The following MCTP2 variants were observed in gnomAD, a reference collection of about 807,000 sequenced individuals.
MCTP2 encodes multiple C2 and transmembrane domain-containing protein 2.
Under a neutral mutation model 111.6 loss-of-function variants are expected in MCTP2, and 132 were observed. That is an observed-to-expected ratio of 1.18 (90% CI 1.03 to 1.37). The LOEUF (loss-of-function observed/expected upper bound fraction) is 1.37. Ranked by LOEUF, MCTP2 falls within the 40% of genes most tolerant of loss-of-function variation. The pLI is 0.00. For synonymous variants in MCTP2, 395 were observed against 387.7 expected, an observed-to-expected ratio of 1.02 and a Z score of -0.22; for missense variants, 1,183 against 1,067.9, an observed-to-expected ratio of 1.11 and a Z score of -1.50.
chr15:94,260,450 TTC>T (rs1227395221), intron 1 of MCTP2, among the ~76,000 whole-genome samples: 2 of 152,204 alleles, frequency 1.3e-5, no homozygotes, highest in Non-Finnish European at 2.9e-5. Context: ...CCCTCTCGTC[TTC>T]TCTCATGGGC....
chr15:94,244,146 GTATATGTTTA>G lies in MCTP2; in HGVS notation c.-66+12487_-66+12496del, dbSNP rs1567257025. ...TACACATGTATACACATGCATATGT[GTATATGTTTA>G]TATACACGTGTATACACATACGTAT... On this transcript the variant is annotated intron_variant, in intron 1 of 22. Coordinates refer to ENST00000357742, the MANE Select transcript of MCTP2 (RefSeq NM_001385001.1). Among the ~76,000 whole-genome samples, 1,192 of 144,668 alleles carry G rather than the reference GTATATGTTTA, an allele frequency of 8.2e-3. 26 individuals carry two copies. The highest frequency in any genetic ancestry group is 0.028 in the African/African-American group (1,096 of 38,798). The allele number at this position is 144,668 out of a possible 152,430, so 94.9% of individuals were successfully genotyped here.
intron 19 of MCTP2, among the ~76,000 whole-genome samples, chr15:94,452,398 T>TAGGAAG (rs2152521413): frequency 6.6e-6 from 1 of 152,320 alleles, no homozygotes; most frequent in South Asian, 2.1e-4. Context: ...CTGGAATCCT[T>TAGGAAG]AGGAAGAGGA....
At chr15:94,255,092 A>G (rs2072681170) in intron 1 of MCTP2, among the ~76,000 whole-genome samples, 2 of 152,282 alleles carry the variant, frequency 1.3e-5, no homozygotes, top group East Asian at 1.9e-4. Context: ...TCCTTTTCCT[A>G]AAGACAAACT....
At chr15:94,234,893 C>G (rs976897252) in intron 1 of MCTP2, among the ~76,000 whole-genome samples, 2 of 152,100 alleles carry the variant, frequency 1.3e-5, no homozygotes, top group African/African-American at 4.8e-5. Context: ...ATGGCTTGAG[C>G]TGAGTTTGGA....
chr15:94,265,435 T>C (rs949409101), intron 1 of MCTP2, among the ~76,000 whole-genome samples: 2 of 152,322 alleles, frequency 1.3e-5, no homozygotes, highest in East Asian at 1.9e-4. Flanking sequence ...TTTTGGTTCA[T>C]GGCACTCTAT....
At chr15:94,453,843 A>T (rs764445772) in intron 19 of MCTP2, among the ~76,000 whole-genome samples, 12 of 152,226 alleles carry the variant, frequency 7.9e-5, no homozygotes, top group Non-Finnish European at 1.3e-4. Context: ...AGAAGCCTCA[A>T]CAGCTACTTT....
At chr15:94,254,646 A>G (rs577788200) in intron 1 of MCTP2, among the ~76,000 whole-genome samples, 1 of 152,322 alleles carries the variant, frequency 6.6e-6, no homozygotes, top group South Asian at 2.1e-4. Context: ...TGTGGATGAA[A>G]TTGAGCTCAG....
chr15:94,395,257 T>C (rs2081221485), intron 14 of MCTP2, among the ~76,000 whole-genome samples: 1 of 152,228 alleles, frequency 6.6e-6, no homozygotes, highest in Non-Finnish European at 1.5e-5. Flanking sequence ...ATTTTCCCTT[T>C]TATGCAGAGT....
chr15:94,291,235 A>G (rs963210400), intron 1 of MCTP2, among the ~76,000 whole-genome samples: 1 of 152,254 alleles, frequency 6.6e-6, no homozygotes, highest in Admixed American at 6.5e-5. Context: ...AAAAATCTTC[A>G]GATACTTAGA....
chr15:94,240,255 C>A (rs915264461), intron 1 of MCTP2, among the ~76,000 whole-genome samples: 1 of 152,148 alleles, frequency 6.6e-6, no homozygotes, highest in Non-Finnish European at 1.5e-5. Flanking sequence ...TAGGAATCAT[C>A]TCCATTTTAT....
At chr15:94,243,223 G>A (rs1014450857) in intron 1 of MCTP2, among the ~76,000 whole-genome samples, 8 of 148,424 alleles carry the variant, frequency 5.4e-5, no homozygotes, top group Non-Finnish European at 1.1e-4. Context: ...ATATACATAC[G>A]TATGCGTACA....
At chr15:94,240,153 T>G (rs1223028652) in intron 1 of MCTP2, among the ~76,000 whole-genome samples, 4 of 152,182 alleles carry the variant, frequency 2.6e-5, no homozygotes, top group Non-Finnish European at 5.9e-5. Context: ...CTGTATATTT[T>G]ATTTTGTGTA....
chr15:94,341,244 A>G, intron 7 of MCTP2: 1 of 308,210 alleles, frequency 3.2e-6, no homozygotes, highest in South Asian at 3.5e-5. Flanking sequence ...TTGGGAAGAT[A>G]CAAATTTTAA....
chr15:94,406,340 T>C (rs2081894723), intron 17 of MCTP2, among the ~76,000 whole-genome samples: 1 of 152,208 alleles, frequency 6.6e-6, no homozygotes, highest in South Asian at 2.1e-4. Flanking sequence ...ACCCAGGCCA[T>C]CTTGCTTTAG....
chr15:94,358,547 G>A lies in MCTP2; in HGVS notation c.1236G>A (p.Arg412=). ...TTGACTTTCACTACTTCTCTGACAG[G>A]ATGGGCATTTTGGACATTGAAGTGT... ...EQFDFHYFSD[R]MGILDIEVWG... The change falls in exon 10 of 23, where the codon AGG becomes AGA. Residue 412 remains arginine (R), a synonymous_variant. Coordinates refer to ENST00000357742, the MANE Select transcript of MCTP2 (RefSeq NM_001385001.1). The A allele has an allele frequency of 2.5e-6, 4 of 1,613,848 alleles. No homozygotes were observed. Among genetic ancestry groups the A allele is most frequent in the African/African-American group, 2.7e-5 (2 of 75,026 alleles).
chr15:94,417,232 G>A (rs959614367), intron 17 of MCTP2, among the ~76,000 whole-genome samples: 5 of 152,032 alleles, frequency 3.3e-5, no homozygotes, highest in African/African-American at 1.2e-4. Flanking sequence ...TTTTCACTGT[G>A]TGCTTAACAG....
intron 20 of MCTP2, among the ~76,000 whole-genome samples, chr15:94,466,643 C>G (rs1381638813): frequency 1.3e-5 from 2 of 152,128 alleles, no homozygotes; most frequent in Non-Finnish European, 2.9e-5. Context: ...CTCGTGCCCC[C>G]AATCTCCCAT....
At chr15:94,422,605 G>T (rs1464186964) in intron 17 of MCTP2, among the ~76,000 whole-genome samples, 1 of 151,944 alleles carries the variant, frequency 6.6e-6, no homozygotes, top group African/African-American at 2.4e-5. Context: ...CTAAATATTT[G>T]ATCATATCAT....
chr15:94,288,249 A>G (rs1304537674), intron 1 of MCTP2, among the ~76,000 whole-genome samples: 4 of 152,208 alleles, frequency 2.6e-5, no homozygotes, highest in Non-Finnish European at 5.9e-5. Context: ...GGTGAGTTCT[A>G]GGATGCCAGA....
Sources: gnomAD v4.1 joint callset for allele counts (sites outside exome capture counted in the v4.1 genomes callset) on GRCh38, gnomAD v4.1.1 for gene constraint, MANE v1.5 for transcripts, NCBI Gene and HGNC (gene_info 2026-07-23, HGNC 2026-07-21) for gene names.